The following INPP4A variants were observed in gnomAD, a reference collection of about 807,000 sequenced individuals.
INPP4A encodes the protein inositol polyphosphate-4-phosphatase, type I, 107kD.
Under a neutral mutation model 119.8 loss-of-function variants are expected in INPP4A, and 33 were observed. The ratio of observed to expected loss-of-function variants is 0.28; its 90% confidence interval spans 0.21 to 0.37. The LOEUF is 0.37. INPP4A is among the 10% of genes least tolerant of loss of function. The pLI, the probability that INPP4A is intolerant of heterozygous loss-of-function variation, is 1.00. For missense variants in INPP4A, 956 were observed against 1,289.9 expected (o/e 0.74, Z 3.97); for synonymous variants, 496 against 500.7 (o/e 0.99, Z 0.12).
At chr2:98,561,582 T>C (rs1342585411) in intron 17 of INPP4A, among the ~76,000 whole-genome samples, 1 of 152,216 alleles carries the variant, frequency 6.6e-6, no homozygotes. Flanking sequence ...TTTTTTTCAT[T>C]TTTTTCCTAA....
rs1700479300 is a variant in INPP4A, at chr2:98,593,241, CAG to C, written c.*5634_*5635del. 1 of 152,382 alleles carries C rather than the reference CAG, an allele frequency of 6.6e-6. No homozygotes were observed. Among genetic ancestry groups the C allele is most frequent in the African/African-American group, 2.4e-5 (1 of 41,454 alleles). 9.4% of individuals were successfully genotyped at this position (152,382 alleles called of 1,614,324 possible). A position where few individuals can be genotyped will look rare whatever the true frequency, so the allele number is the denominator to read the frequency against. On this transcript the variant is annotated 3_prime_UTR_variant, in exon 25 of 25. Coordinates refer to ENST00000409851, the MANE Select transcript of INPP4A (RefSeq NM_001134225.2). ...CACATAACAGAAAAAGCTGAGCAGA[CAG>C]GGTAGGAAACACACTTGCATCTCCA...
At position 98,590,981 on chromosome 2, in the gene INPP4A, T is replaced by C. The variant is rs1380326757; in HGVS notation, c.*3373T>C. The C allele has an allele frequency of 2.2e-5, 5 of 230,856 alleles. No homozygotes were observed. The highest frequency in any genetic ancestry group is 4.3e-5 in the Non-Finnish European group (5 of 116,688). The allele number at this position is 230,856 out of a possible 1,614,324, so 14.3% of individuals were successfully genotyped here. On this transcript the variant is annotated 3_prime_UTR_variant, in exon 25 of 25. Transcript: ENST00000409851. ...CTATGTTTGTGACTTCATTGGAATG[T>C]TGATCTATTTCATATAGATTGTTTT...
intron 10 of INPP4A, among the ~76,000 whole-genome samples, chr2:98,540,110 T>A (rs1366621745): frequency 6.6e-6 from 1 of 152,126 alleles, no homozygotes; most frequent in African/African-American, 2.4e-5. Context: ...TTTTGTATTT[T>A]TAGTAGATAT....
rs549100483 is a variant in INPP4A at position 98,588,473 on chromosome 2, A to G, written c.*865A>G. The G allele has an allele frequency of 6.7e-5, 14 of 209,950 alleles. No homozygotes were observed. The highest frequency in any genetic ancestry group is 1.4e-4 in the Non-Finnish European group (14 of 103,574). 13.0% of individuals were successfully genotyped at this position (209,950 alleles called of 1,614,324 possible). On this transcript the variant is annotated 3_prime_UTR_variant, in exon 25 of 25. Transcript: ENST00000409851. ...ATGGGGAATTTATGACCATAGAGATAGTAGAAACCTAAATATTTTCAGAAA... is the reference window on the plus strand; with the variant it reads ...ATGGGGAATTTATGACCATAGAGATGGTAGAAACCTAAATATTTTCAGAAA...
At chr2:98,511,159 A>C (rs1348672189) in intron 1 of INPP4A, among the ~76,000 whole-genome samples, 1 of 152,124 alleles carries the variant, frequency 6.6e-6, no homozygotes, top group Non-Finnish European at 1.5e-5. Context: ...TCCCGGGTTA[A>C]AGCGATTCTT....
chr2:98,501,650 G>A (rs1683148313), intron 1 of INPP4A, among the ~76,000 whole-genome samples: 1 of 152,172 alleles, frequency 6.6e-6, no homozygotes, highest in African/African-American at 2.4e-5. Flanking sequence ...AAACACCATT[G>A]TTACCATTTG....
chr2:98,492,300 T>C lies in INPP4A; in HGVS notation c.-165-26664T>C, dbSNP rs1222716031. ...ACACCATCCTAAAGTCGAAAAATCA[T>C]TGAACTCTTGTAAGTTGGGGACTGT... is the stretch of plus-strand genomic sequence containing the variant. On this transcript the variant is annotated intron_variant, in intron 1 of 24. Transcript: ENST00000409851. Among the ~76,000 whole-genome samples the C allele has an allele frequency of 1.3e-5, 2 of 152,200 alleles. 1 individual carries two copies. The highest frequency in any genetic ancestry group is 4.8e-5 in the African/African-American group (2 of 41,444).
At position 98,559,487 on chromosome 2, in the gene INPP4A, C is replaced by G. The variant is rs1347504780; in HGVS notation, c.1847C>G (p.Ser616Cys). ...TTHCSPPPEE[S>C]SPGEWSEALY... ...GATTGCAGTCCCCCTCCTGAAGAGT[C>G]CAGCCCAGGTACGTGGTTTCCGTTC... The change falls in exon 17 of 25, where the codon TCC becomes TGC. Residue 616 changes from serine (S) to cysteine (C), a missense_variant. Coordinates refer to ENST00000409851, the MANE Select transcript of INPP4A (RefSeq NM_001134225.2). The G allele has an allele frequency of 6.2e-6, 10 of 1,613,996 alleles. No individual in the cohort carries two copies. The highest frequency in any genetic ancestry group is 8.5e-6 in the Non-Finnish European group (10 of 1,179,864).
chr2:98,502,017 C>T (rs1683225578), intron 1 of INPP4A, among the ~76,000 whole-genome samples: 1 of 152,234 alleles, frequency 6.6e-6, no homozygotes, highest in Non-Finnish European at 1.5e-5. Flanking sequence ...TCAGTGCCCA[C>T]CTGCTCCCAG....
At position 98,572,944 on chromosome 2, in the gene INPP4A, G is replaced by A. The variant is rs368131029; in HGVS notation, c.2631+17G>A. 12 of 1,536,476 alleles carry A rather than the reference G, an allele frequency of 7.8e-6. No individual in the cohort carries two copies. In the African/African-American group the frequency reaches 1.6e-4, roughly 21 times the overall value. On this transcript the variant is annotated intron_variant, in intron 23 of 24. Coordinates refer to ENST00000409851, the MANE Select transcript of INPP4A (RefSeq NM_001134225.2). ...GCTGCTGAGGTACTGGTTACAGAGA[G>A]GAAAAGGAGGCTATTGCGGTGCCCA... is the stretch of plus-strand genomic sequence containing the variant.
chr2:98,448,047 A>AG, intron 1 of INPP4A, among the ~76,000 whole-genome samples: 1 of 68,846 alleles, frequency 1.5e-5, no homozygotes, highest in African/African-American at 6.7e-5. Flanking sequence ...ACTCTGTCTC[A>AG]AAAAAAAAAA....
rs1700108652 is a variant in INPP4A, at chr2:98,587,964, A to G, written c.*356A>G. On this transcript the variant is annotated 3_prime_UTR_variant, in exon 25 of 25. Coordinates refer to ENST00000409851, the MANE Select transcript of INPP4A (RefSeq NM_001134225.2). Reference sequence around the variant, plus strand: ...TTTTCAAATGCCTGCTTGCTCACTTACTTTTCTACAGAGTAACTCAAAAGT... The same window carrying G: ...TTTTCAAATGCCTGCTTGCTCACTTGCTTTTCTACAGAGTAACTCAAAAGT... The G allele has an allele frequency of 4.2e-6, 1 of 236,436 alleles. No individual in the cohort carries two copies. Among genetic ancestry groups the G allele is most frequent in the Admixed American group, 5.6e-5 (1 of 17,898 alleles). The allele number at this position is 236,436 out of a possible 1,614,324, so 14.6% of individuals were successfully genotyped here.
At chr2:98,540,575 T>C (rs555268647) in intron 10 of INPP4A, among the ~76,000 whole-genome samples, 34 of 152,374 alleles carry the variant, frequency 2.2e-4, no homozygotes, top group African/African-American at 8.2e-4. Flanking sequence ...CAGAAAAGTA[T>C]TTGACTCAAG....
intron 24 of INPP4A, 75 bp downstream of exon 24, chr2:98,577,218 C>T: frequency 6.9e-7 from 1 of 1,446,628 alleles, no homozygotes; most frequent in Admixed American, 2.2e-5. Flanking sequence ...GTACCCTGCT[C>T]CTGCCTGCAG....
intron 1 of INPP4A, among the ~76,000 whole-genome samples, chr2:98,461,378 G>A (rs1697124608): frequency 6.6e-6 from 1 of 152,226 alleles, no homozygotes; most frequent in South Asian, 2.1e-4. Context: ...CCAGCAACAG[G>A]TGTGGGCCTA....
At position 98,533,392 on chromosome 2, in the gene INPP4A, A is replaced by G. The variant is rs1689622670; in HGVS notation, c.167A>G (p.His56Arg). The G allele has an allele frequency of 2.5e-6, 4 of 1,612,382 alleles. No homozygotes were observed. Among genetic ancestry groups the G allele is most frequent in the African/African-American group, 1.3e-5 (1 of 74,920 alleles). Residue 56 changes from histidine to arginine, a missense_variant, in exon 5 of 25, where the codon CAT (histidine) becomes CGT (arginine). Transcript: ENST00000409851. ...GATTCTGTAGCTTGCAGTGAGCTGC[A>G]TACTCCATCGCTAGATCGAAAGCCA... ...LEFSLACSEL[H>R]TPSLDRKPNS...
intron 1 of INPP4A, among the ~76,000 whole-genome samples, chr2:98,515,852 C>G (rs2105646019): frequency 6.6e-6 from 1 of 152,340 alleles, no homozygotes; most frequent in South Asian, 2.1e-4. Context: ...CACCCCTTTC[C>G]CTGCCCCCCA....
chr2:98,497,729 C>T (rs953429690), intron 1 of INPP4A, among the ~76,000 whole-genome samples: 1 of 152,166 alleles, frequency 6.6e-6, no homozygotes, highest in Non-Finnish European at 1.5e-5. Flanking sequence ...CTTTGCTGTG[C>T]AGAAGCTTGG....
At chr2:98,558,928 G>T (rs547226515) in intron 16 of INPP4A, among the ~76,000 whole-genome samples, 1 of 152,048 alleles carries the variant, frequency 6.6e-6, no homozygotes, top group Non-Finnish European at 1.5e-5. Context: ...TTGGCATAGA[G>T]TTTTTTTTGG....
Sources: gnomAD v4.1 joint callset for allele counts (sites outside exome capture counted in the v4.1 genomes callset) on GRCh38, gnomAD v4.1.1 for gene constraint, MANE v1.5 for transcripts, NCBI Gene and HGNC (gene_info 2026-07-23, HGNC 2026-07-21) for gene names.